Variants in GPATCH1 observed in about 807,000 individuals in gnomAD.
The protein encoded by GPATCH1 is G-patch domain containing 1.
A neutral mutation model predicts 114.9 loss-of-function variants in GPATCH1; 73 were observed. The observed-to-expected ratio is 0.64, with a 90% CI of 0.53 to 0.77. GPATCH1 has a LOEUF of 0.77. GPATCH1 is among the 30% of genes least tolerant of loss of function. GPATCH1 has a pLI of 0.00. For missense variants in GPATCH1, 1,058 were observed against 1,144.3 expected, an observed-to-expected ratio of 0.92 and a Z score of 1.09; for synonymous variants, 391 against 428.4, an observed-to-expected ratio of 0.91 and a Z score of 1.08.
chr19:33,103,643 G>A (rs1217926174), intron 9 of GPATCH1, among the ~76,000 whole-genome samples: 1 of 152,134 alleles, frequency 6.6e-6, no homozygotes, highest in Non-Finnish European at 1.5e-5. Flanking sequence ...GGAGGTTGCA[G>A]TGAGCCAAGA....
chr19:33,090,298 T>A (rs1027687505), intron 2 of GPATCH1, among the ~76,000 whole-genome samples: 1 of 152,200 alleles, frequency 6.6e-6, no homozygotes, highest in Admixed American at 6.6e-5. Context: ...GAATGTTGCC[T>A]GGATTCCTTC....
chr19:33,101,499 A>G lies in GPATCH1; in HGVS notation c.1005A>G (p.Ser335=). The G allele has an allele frequency of 1.3e-6, 2 of 1,559,374 alleles. No homozygotes were observed. The highest frequency in any genetic ancestry group is 1.4e-5 in the African/African-American group (1 of 74,036). ...APRQYKNQKE[S]EKDLRYVGKI... ...ATCTATGACATCATTTTGTAGAATCAGAGAAAGACCTTCGGTACGTTGGCA... is the reference window on the plus strand; with the variant it reads ...ATCTATGACATCATTTTGTAGAATCGGAGAAAGACCTTCGGTACGTTGGCA... The change falls in exon 9 of 20, where the codon TCA becomes TCG. Residue 335 remains serine (S), a synonymous_variant. Transcript: ENST00000170564.
At position 33,112,668 on chromosome 19, in the gene GPATCH1, A is replaced by C. The variant is rs998261006; in HGVS notation, c.1892+55A>C. The C allele has an allele frequency of 3.4e-6, 5 of 1,451,406 alleles. No homozygotes were observed. In the African/African-American group the frequency reaches 4.2e-5, roughly 12 times the overall value. 89.9% of individuals were successfully genotyped at this position (1,451,406 alleles called of 1,614,324 possible). A position where few individuals can be genotyped will look rare whatever the true frequency, so the allele number is the denominator to read the frequency against. ...AAAATGTATTCTTGATATTAAAGCTAATTTTCCCCTTACATACTCATATAA... is the reference window on the plus strand; with the variant it reads ...AAAATGTATTCTTGATATTAAAGCTCATTTTCCCCTTACATACTCATATAA... On this transcript the variant is annotated intron_variant, in intron 13 of 19. Coordinates refer to ENST00000170564, the MANE Select transcript of GPATCH1 (RefSeq NM_018025.3).
At chr19:33,126,188 C>A (rs1431360429) in intron 18 of GPATCH1, among the ~76,000 whole-genome samples, 1 of 152,186 alleles carries the variant, frequency 6.6e-6, no homozygotes, top group East Asian at 1.9e-4. Flanking sequence ...CAGTTTCTTC[C>A]TTGTGGTTTT....
intron 13 of GPATCH1, 27 bp from the exon 14 acceptor site, chr19:33,113,740 T>C (rs1206306809): frequency 6.2e-7 from 1 of 1,609,440 alleles, no homozygotes; most frequent in Non-Finnish European, 8.5e-7. Flanking sequence ...TGGTTGTTAC[T>C]AAAATGATTC....
At chr19:33,083,442 T>G (rs1284281521) in intron 1 of GPATCH1, among the ~76,000 whole-genome samples, 1 of 149,652 alleles carries the variant, frequency 6.7e-6, no homozygotes, top group Admixed American at 6.7e-5. Context: ...TTGTCCAGGC[T>G]GGAGTGCAGT....
chr19:33,108,109 G>T (rs1293370097), intron 10 of GPATCH1, among the ~76,000 whole-genome samples: 1 of 151,948 alleles, frequency 6.6e-6, no homozygotes, highest in East Asian at 1.9e-4. Context: ...CACGTGTGGG[G>T]GTTCTGTCCA....
At chr19:33,110,060 G>A (rs1476390883) in intron 11 of GPATCH1, 44 bp downstream of exon 11, 1 of 1,505,238 alleles carries the variant, frequency 6.6e-7, no homozygotes, top group Admixed American at 1.9e-5. Context: ...CCCGGGCGGG[G>A]TCATATTCTC....
Position 33,119,100 on chromosome 19 carries a change from C to T in GPATCH1, c.2504C>T (p.Pro835Leu). 6.2e-7 allele frequency: 1 copy of T among 1,606,120 alleles called. No homozygotes were observed. The highest frequency in any genetic ancestry group is 8.5e-7 in the Non-Finnish European group (1 of 1,174,358). ...DEREEFGPRL[P>L]PVFCPNARQT... ...AGAGAAGAGTTCGGCCCGCGGCTGC[C>T]TCCCGTCTTCTGCCCCAGTGAGTGC... The change falls in exon 17 of 20, where the codon CCT (proline) becomes CTT (leucine). Residue 835 changes from proline (P) to leucine (L), a missense_variant. This residue lies in a region of GPATCH1 where 893 missense variants were observed against 977.4 expected (regional missense o/e 0.91). Coordinates refer to ENST00000170564, the MANE Select transcript of GPATCH1 (RefSeq NM_018025.3).
At chr19:33,105,853 T>C (rs1395929772) in intron 9 of GPATCH1, among the ~76,000 whole-genome samples, 1 of 151,470 alleles carries the variant, frequency 6.6e-6, no homozygotes, top group African/African-American at 2.4e-5. Flanking sequence ...CTTTCTTTTT[T>C]TTTTGTTTGA....
intron 10 of GPATCH1, among the ~76,000 whole-genome samples, chr19:33,108,885 G>GT: frequency 6.6e-6 from 1 of 152,292 alleles, no homozygotes; most frequent in East Asian, 1.9e-4. Context: ...CACGTGCCCT[G>GT]TAAGTGTGCA....
In GPATCH1 at chr19:33,096,198, C is replaced by T. The variant is rs200713735; in HGVS notation, c.613-9C>T. The T allele has an allele frequency of 1.1e-4, 180 of 1,609,548 alleles. No homozygotes were observed. In the African/African-American group the frequency reaches 1.6e-3, roughly 15 times the overall value. ...TGACTCACCTTAATTCCACTTTAAACGGAAATAGGGTGAAGATGATGACTA... is the reference window on the plus strand; with the variant it reads ...TGACTCACCTTAATTCCACTTTAAATGGAAATAGGGTGAAGATGATGACTA... On this transcript the variant is annotated splice_polypyrimidine_tract_variant and intron_variant, in intron 6 of 19. Transcript: ENST00000170564.
intron 17 of GPATCH1, among the ~76,000 whole-genome samples, chr19:33,121,422 C>T (rs1001334241): frequency 2.0e-5 from 3 of 150,048 alleles, no homozygotes; most frequent in Non-Finnish European, 2.9e-5. Flanking sequence ...TGGGTTCAAG[C>T]GATTCTCCTA....
intron 17 of GPATCH1, among the ~76,000 whole-genome samples, chr19:33,121,286 TC>T (rs111786600): frequency 0.21 from 30,684 of 148,040 alleles, 4,531 homozygotes; most frequent in African/African-American, 0.4. Context: ...CAGCCAAGCC[TC>T]CTTTTTTTGT....
intron 17 of GPATCH1, among the ~76,000 whole-genome samples, chr19:33,123,596 T>A (rs897975397): frequency 3.3e-5 from 5 of 151,304 alleles, no homozygotes; most frequent in East Asian, 2.0e-4. Context: ...ACAAAAAAAT[T>A]AAAAAATTAG....
chr19:33,089,572 T>A (rs1972571486), intron 2 of GPATCH1, among the ~76,000 whole-genome samples: 1 of 152,146 alleles, frequency 6.6e-6, no homozygotes, highest in Admixed American at 6.6e-5. Flanking sequence ...ATGAACTGAT[T>A]AATTCACATA....
chr19:33,107,603 A>G (rs1422764146), intron 10 of GPATCH1, among the ~76,000 whole-genome samples: 2 of 152,298 alleles, frequency 1.3e-5, no homozygotes, highest in African/African-American at 2.4e-5. Flanking sequence ...AATCCCCTGC[A>G]GGGTGCAGCA....
intron 10 of GPATCH1, among the ~76,000 whole-genome samples, chr19:33,107,991 C>T (rs1972805872): frequency 6.6e-6 from 1 of 151,994 alleles, no homozygotes; most frequent in Non-Finnish European, 1.5e-5. Context: ...CTAATGCTAT[C>T]CCTCCCCGCT....
chr19:33,111,028 A>AT (rs1043160091), intron 11 of GPATCH1, among the ~76,000 whole-genome samples: 1 of 149,064 alleles, frequency 6.7e-6, no homozygotes. Context: ...TATTTTATTT[A>AT]TTTTTTTGAA....
Sources: gnomAD v4.1 joint callset for allele counts (sites outside exome capture counted in the v4.1 genomes callset) on GRCh38, gnomAD v4.1.1 for gene constraint, gnomAD v4.1.1 regional missense constraint, MANE v1.5 for transcripts, NCBI Gene and HGNC (gene_info 2026-07-23, HGNC 2026-07-21) for gene names.